WNT2B: variants seen among roughly 807,000 people sequenced by gnomAD.
WNT2B encodes protein Wnt-2b.
WNT2B carries 19 observed loss-of-function variants against 40.5 expected under a neutral mutation model. That is an observed-to-expected ratio of 0.47 (90% CI 0.33 to 0.69). The LOEUF (loss-of-function observed/expected upper bound fraction) is 0.69, where lower values mean the gene tolerates loss of function less well. Ranked by LOEUF, WNT2B falls within the 30% of genes least tolerant of loss-of-function variation. The pLI is 0.02. For synonymous variants in WNT2B, 220 were observed against 211.9 expected (o/e 1.04, Z -0.33); for missense variants, 467 against 556.4 (o/e 0.84, Z 1.62).
Position 112,509,221 on chromosome 1 carries a change from C to A in WNT2B, c.-42C>A. On this transcript the variant is annotated 5_prime_UTR_variant, in exon 1 of 5. Transcript: ENST00000369684. The surrounding 1 kb of genome is among the most constrained non-coding windows in gnomAD (Gnocchi z 4.2). ...TGAGTACCCCCAGAAGGTGCCCCGT[C>A]CACGCCCCTCCGGGCTGCGCGGCGG... is the stretch of plus-strand genomic sequence containing the variant. 6.8e-7 allele frequency: 1 copy of A among 1,474,030 alleles called. No individual in the cohort carries two copies. 91.3% of individuals were successfully genotyped at this position (1,474,030 alleles called of 1,614,324 possible).
chr1:112,506,218 C>T (rs1323128306), upstream of WNT2B, among the ~76,000 whole-genome samples: 2 of 152,184 alleles, frequency 1.3e-5, no homozygotes, highest in Admixed American at 6.5e-5. Context: ...AGGCTAGTCT[C>T]TAACTCCTGT....
rs79800551 is a variant in WNT2B, at chr1:112,496,662, A to G, written c.-94-18212A>G. On this transcript the variant is annotated intron_variant, in intron 1 of 4. Transcript: ENST00000256640. ...GTTGCCCAGGCTGGAGCGCAATGGT[A>G]TGATCTTGGCTCACCACAACCTCCT... Among the ~76,000 whole-genome samples the G allele has an allele frequency of 2.0e-5, 3 of 150,796 alleles. No homozygotes were observed. The South Asian group carries it at 6.3e-4, about 32-fold the overall frequency.
chr1:112,524,839 C>G lies in WNT2B; in HGVS notation c.*4330C>G, dbSNP rs903329864. 19 of 152,074 alleles carry G rather than the reference C, an allele frequency of 1.2e-4. No individual in the cohort carries two copies. Among genetic ancestry groups the G allele is most frequent in the Admixed American group, 7.2e-4 (11 of 15,272 alleles). 9.4% of individuals were successfully genotyped at this position (152,074 alleles called of 1,614,324 possible). A position where few individuals can be genotyped will look rare whatever the true frequency, so the allele number is the denominator to read the frequency against. ...TAGGAGTTCTGCTCATCCTCCTCTCCCCAACAATTAAAAAAAAAAGCAATT... is the reference window on the plus strand; with the variant it reads ...TAGGAGTTCTGCTCATCCTCCTCTCGCCAACAATTAAAAAAAAAAGCAATT... On this transcript the variant is annotated 3_prime_UTR_variant, in exon 5 of 5. Transcript: ENST00000369684.
upstream of WNT2B, among the ~76,000 whole-genome samples, chr1:112,507,977 G>A (rs192727115): frequency 6.6e-6 from 1 of 152,080 alleles, no homozygotes; most frequent in African/African-American, 2.4e-5. Flanking sequence ...AGTCTCTTTC[G>A]GCAGACTGCA....
In WNT2B at chr1:112,509,227, C is replaced by T. The variant is rs1203029924; in HGVS notation, c.-36C>T. ...CCCCCAGAAGGTGCCCCGTCCACGC[C>T]CCTCCGGGCTGCGCGGCGGGAGTCT... On this transcript the variant is annotated 5_prime_UTR_variant, in exon 1 of 5. Coordinates refer to ENST00000369684, the MANE Select transcript of WNT2B (RefSeq NM_024494.3). This position sits in a 1 kb window ranked among gnomAD's most constrained non-coding sequence, Gnocchi z 4.2. 4 of 1,481,152 alleles carry T rather than the reference C, an allele frequency of 2.7e-6. No individual in the cohort carries two copies. Among genetic ancestry groups the T allele is most frequent in the South Asian group, 1.3e-5 (1 of 75,748 alleles). The allele number at this position is 1,481,152 out of a possible 1,614,324, so 91.8% of individuals were successfully genotyped here.
chr1:112,516,024 T>C (rs1412542855), intron 2 of WNT2B, 116 bp from the exon 3 acceptor site: 1 of 1,367,148 alleles, frequency 7.3e-7, no homozygotes, highest in Non-Finnish European at 1.0e-6. Flanking sequence ...GGTGTAGGGG[T>C]GACTCTGGGA....
intron 1 of WNT2B, among the ~76,000 whole-genome samples, chr1:112,487,273 G>A (rs974682991): frequency 4.6e-5 from 7 of 152,118 alleles, no homozygotes; most frequent in Admixed American, 6.6e-5. Flanking sequence ...TAAAAGATTC[G>A]TGGTTGCCTG....
At chr1:112,506,426 A>G (rs994500536), upstream of WNT2B, among the ~76,000 whole-genome samples, 3 of 152,134 alleles carry the variant, frequency 2.0e-5, no homozygotes, top group East Asian at 1.9e-4. Flanking sequence ...GGGCGAGTCC[A>G]CTCTAGGTTA....
chr1:112,509,870 G>A lies in WNT2B; in HGVS notation c.182+426G>A, dbSNP rs115520287. 4.6e-3 allele frequency among the ~76,000 whole-genome samples: 698 copies of A among 152,310 alleles called. 7 individuals are homozygous for A. The highest frequency in any genetic ancestry group is 0.016 in the African/African-American group (664 of 41,576). On this transcript the variant is annotated intron_variant, in intron 1 of 4. Transcript: ENST00000369684. The surrounding 1 kb of genome is among the most constrained non-coding windows in gnomAD (Gnocchi z 4.2). ...AGGTGGAGAAAGGGGCAGCTCGCTA[G>A]TCTAGCCCACCCATACCACAGGAAG...
chr1:112,510,978 G>A (rs1239388617), intron 1 of WNT2B, among the ~76,000 whole-genome samples: 2 of 152,180 alleles, frequency 1.3e-5, no homozygotes, highest in African/African-American at 4.8e-5. Context: ...GGCTCAGACA[G>A]CAGTTTGCTT....
Position 112,509,285 on chromosome 1 carries a change from A to T in WNT2B, c.23A>T (p.Glu8Val). The change falls in exon 1 of 5, where the codon GAG becomes GTG. Residue 8 changes from glutamate (E) to valine (V), a missense_variant. Transcript: ENST00000369684. This position sits in a 1 kb window ranked among gnomAD's most constrained non-coding sequence, Gnocchi z 4.2. ...GCTATGCTGAGACCGGGTGGTGCGG[A>T]GGAAGCTGCGCAGCTCCCGCTTCGG... is the stretch of plus-strand genomic sequence containing the variant. MLRPGGAEEAAQLPLRRA... is the reference protein window; with the variant it reads MLRPGGAVEAAQLPLRRA... The T allele has an allele frequency of 1.3e-6, 2 of 1,540,900 alleles. No homozygotes were observed. Among genetic ancestry groups the T allele is most frequent in the Non-Finnish European group, 1.7e-6 (2 of 1,148,976 alleles).
At chr1:112,480,397 A>T (rs1231776246) in intron 1 of WNT2B, among the ~76,000 whole-genome samples, 1 of 151,812 alleles carries the variant, frequency 6.6e-6, no homozygotes, top group East Asian at 1.9e-4. Context: ...AAGACAGTAC[A>T]ACCGATACCA....
At chr1:112,505,779 T>C (rs1652087314), upstream of WNT2B, among the ~76,000 whole-genome samples, 1 of 152,226 alleles carries the variant, frequency 6.6e-6, no homozygotes, top group Non-Finnish European at 1.5e-5. Context: ...TCCTGCAGCC[T>C]GGGATTCCTC....
chr1:112,469,208 C>A (rs527743496), intron 1 of WNT2B, among the ~76,000 whole-genome samples: 24 of 152,246 alleles, frequency 1.6e-4, no homozygotes, highest in Non-Finnish European at 2.8e-4. Context: ...TTACTAAAGC[C>A]ATGTAATCCA....
At chr1:112,498,544 CT>C (rs913919959) in intron 1 of WNT2B, among the ~76,000 whole-genome samples, 142 of 145,250 alleles carry the variant, frequency 9.8e-4, no homozygotes, top group East Asian at 1.2e-3. Flanking sequence ...CAATCTCTCT[CT>C]TTTTTTTTTT....
chr1:112,467,601 A>G (rs1232388666), intron 1 of WNT2B: 2 of 780,270 alleles, frequency 2.6e-6, no homozygotes, highest in Admixed American at 1.7e-5. Flanking sequence ...AGTAAGTTGA[A>G]TGAAGCACTA....
At chr1:112,480,731 G>C (rs756371792) in intron 1 of WNT2B, among the ~76,000 whole-genome samples, 13 of 152,130 alleles carry the variant, frequency 8.5e-5, no homozygotes, top group Non-Finnish European at 1.6e-4. Context: ...AAGTTATTCT[G>C]CAAGGCCAAA....
At chr1:112,468,893 G>A (rs1217988003) in intron 1 of WNT2B, among the ~76,000 whole-genome samples, 1 of 152,076 alleles carries the variant, frequency 6.6e-6, no homozygotes, top group Non-Finnish European at 1.5e-5. Context: ...CCAATGCCCT[G>A]AAGAGTTTTT....
chr1:112,510,006 C>T (rs1312056902), intron 1 of WNT2B, among the ~76,000 whole-genome samples: 1 of 152,194 alleles, frequency 6.6e-6, no homozygotes, highest in Non-Finnish European at 1.5e-5. Flanking sequence ...TTTGCATTAT[C>T]TAGGCATTTG....
Sources: gnomAD v4.1 joint callset for allele counts (sites outside exome capture counted in the v4.1 genomes callset) on GRCh38, gnomAD v4.1.1 for gene constraint, Gnocchi (gnomAD v3.1) non-coding constraint, MANE v1.5 for transcripts, NCBI Gene and HGNC (gene_info 2026-07-23, HGNC 2026-07-21) for gene names.